RBFOX2: variants seen among roughly 807,000 people sequenced by gnomAD.
RBFOX2 encodes RNA binding protein fox-1 homolog 2.
A neutral mutation model predicts 49.1 loss-of-function variants in RBFOX2; 10 were observed. The ratio of observed to expected loss-of-function variants is 0.20; its 90% CI spans 0.13 to 0.35. RBFOX2 has a LOEUF of 0.35. Ranked by LOEUF, RBFOX2 falls within the 10% of genes least tolerant of loss-of-function variation. RBFOX2 has a pLI of 1.00. For synonymous variants in RBFOX2, 183 were observed against 187.4 expected (o/e 0.98, Z 0.19); for missense variants, 323 against 486.9 (o/e 0.66, Z 3.17).
chr22:35,739,843 T>C (rs1928943942), exon 12 of RBFOX2: 1 of 152,622 alleles, frequency 6.6e-6, no homozygotes, highest in South Asian at 2.1e-4. Flanking sequence ...CAAGTCCCTC[T>C]GCTGGTGGCC....
intron 1 of RBFOX2, among the ~76,000 whole-genome samples, chr22:35,857,013 C>A (rs2149042130): frequency 6.6e-6 from 1 of 152,292 alleles, no homozygotes; most frequent in African/African-American, 2.4e-5. Flanking sequence ...GCATGGGTGA[C>A]AGAGCGAGAC....
intron 1 of RBFOX2, among the ~76,000 whole-genome samples, chr22:35,985,047 A>T (rs1422073003): frequency 6.6e-6 from 1 of 152,210 alleles, no homozygotes; most frequent in South Asian, 2.1e-4. Flanking sequence ...AGAAAAGATG[A>T]CAACATAATG....
intron 1 of RBFOX2, among the ~76,000 whole-genome samples, chr22:36,006,075 T>C (rs1175344608): frequency 6.6e-6 from 1 of 152,168 alleles, no homozygotes; most frequent in African/African-American, 2.4e-5. Context: ...GAACGAGCAA[T>C]CAAAATGTGC....
chr22:35,985,972 C>T (rs1191294360), intron 1 of RBFOX2, among the ~76,000 whole-genome samples: 1 of 151,850 alleles, frequency 6.6e-6, no homozygotes, highest in African/African-American at 2.4e-5. Context: ...CCTCATAATT[C>T]CTCAGGCAGC....
intron 1 of RBFOX2, among the ~76,000 whole-genome samples, chr22:35,972,400 G>A (rs757941522): frequency 6.7e-6 from 1 of 148,816 alleles, no homozygotes; most frequent in African/African-American, 2.5e-5. Context: ...GCTTATATTC[G>A]TTTCTGTAAA....
At chr22:35,813,661 C>T (rs1022023394) in intron 1 of RBFOX2, among the ~76,000 whole-genome samples, 1 of 152,108 alleles carries the variant, frequency 6.6e-6, no homozygotes, top group South Asian at 2.1e-4. Flanking sequence ...ATTTTAACTC[C>T]CCTATTAGAT....
At chr22:35,928,343 T>C (rs1329100236) in intron 1 of RBFOX2, among the ~76,000 whole-genome samples, 2 of 152,102 alleles carry the variant, frequency 1.3e-5, no homozygotes, top group Non-Finnish European at 1.5e-5. Flanking sequence ...TAAAAGCCAA[T>C]GAACCTAGCT....
At chr22:35,840,358 C>T in exon 1 of RBFOX2, 1 of 1,547,250 alleles carries the variant, frequency 6.5e-7, no homozygotes, top group Non-Finnish European at 8.7e-7. Context: ...CGTTTTCCTT[C>T]CTTTTTCTTT....
intron 1 of RBFOX2, among the ~76,000 whole-genome samples, chr22:35,922,947 AC>A (rs1202865128): frequency 2.6e-5 from 4 of 152,066 alleles, no homozygotes; most frequent in Admixed American, 2.6e-4. Context: ...TGACACCTGA[AC>A]CTTCAGTCAG....
chr22:35,872,433 G>A (rs553755948), intron 1 of RBFOX2, among the ~76,000 whole-genome samples: 17 of 152,326 alleles, frequency 1.1e-4, no homozygotes, highest in Middle Eastern at 3.4e-3. Flanking sequence ...CAAGGACAGA[G>A]GGCTTTCTGT....
At chr22:35,751,263 G>A (rs1934805116) in intron 9 of RBFOX2, among the ~76,000 whole-genome samples, 1 of 152,182 alleles carries the variant, frequency 6.6e-6, no homozygotes, top group East Asian at 1.9e-4. Context: ...TGGTGAGCAT[G>A]TGATGTCAAG....
At chr22:35,942,899 TGTCA>T (rs932463460), upstream of RBFOX2, among the ~76,000 whole-genome samples, 4 of 152,230 alleles carry the variant, frequency 2.6e-5, no homozygotes, top group African/African-American at 7.2e-5. Context: ...ATAAAGCTGT[TGTCA>T]GTGTTTCTTA....
chr22:35,820,585 T>C (rs1456084407), intron 1 of RBFOX2, among the ~76,000 whole-genome samples: 1 of 152,222 alleles, frequency 6.6e-6, no homozygotes, highest in Non-Finnish European at 1.5e-5. Flanking sequence ...TTACAATTAT[T>C]TGCTTACATA....
intron 2 of RBFOX2, among the ~76,000 whole-genome samples, chr22:35,790,986 C>T (rs747653931): frequency 1.4e-4 from 21 of 151,658 alleles, no homozygotes; most frequent in African/African-American, 4.1e-4. Flanking sequence ...CCTGCCTGGG[C>T]GACAAGGCAA....
At chr22:35,885,995 T>TAC (rs2046528391) in intron 1 of RBFOX2, among the ~76,000 whole-genome samples, 1 of 151,796 alleles carries the variant, frequency 6.6e-6, no homozygotes, top group East Asian at 1.9e-4. Context: ...TAGCTGGAAC[T>TAC]ACAGGCACCC....
At chr22:35,821,435 C>G (rs901739662) in intron 1 of RBFOX2, among the ~76,000 whole-genome samples, 4 of 151,660 alleles carry the variant, frequency 2.6e-5, no homozygotes, top group Admixed American at 2.6e-4. Flanking sequence ...AACCCCGTCT[C>G]TACTAAAAAT....
chr22:35,826,661 C>G, intron 1 of RBFOX2, among the ~76,000 whole-genome samples: 1 of 152,102 alleles, frequency 6.6e-6, no homozygotes, highest in Non-Finnish European at 1.5e-5. Context: ...ATATAGTAGC[C>G]TCTTTTATCC....
chr22:35,835,267 A>G (rs1022689091), intron 1 of RBFOX2, among the ~76,000 whole-genome samples: 1 of 152,152 alleles, frequency 6.6e-6, no homozygotes, highest in Middle Eastern at 3.2e-3. Flanking sequence ...CAGATCCCGG[A>G]GAGGAATGGT....
chr22:35,816,431 A>G (rs1056071799), intron 1 of RBFOX2, among the ~76,000 whole-genome samples: 4 of 152,218 alleles, frequency 2.6e-5, no homozygotes, highest in African/African-American at 9.6e-5. Context: ...CAAAAGTGTT[A>G]AGTGTCTAAT....
Sources: gnomAD v4.1 joint callset for allele counts (sites outside exome capture counted in the v4.1 genomes callset) on GRCh38, gnomAD v4.1.1 for gene constraint, MANE v1.5 for transcripts, NCBI Gene and HGNC (gene_info 2026-07-23, HGNC 2026-07-21) for gene names.